The following PRKN variants were observed in gnomAD, a reference collection of about 807,000 sequenced individuals.
The protein encoded by PRKN is parkin RBR E3 ubiquitin protein ligase.
PRKN carries 56 observed loss-of-function variants against 59.5 expected under a neutral mutation model. That is an observed-to-expected ratio of 0.94 (90% CI 0.76 to 1.18). PRKN has a LOEUF of 1.18. PRKN is among the 50% of genes most tolerant of loss of function. The pLI, the probability that PRKN is intolerant of heterozygous loss-of-function variation, is 0.00. For missense variants in PRKN, 657 were observed against 596.4 expected, an observed-to-expected ratio of 1.10 and a Z score of -1.06; for synonymous variants, 250 against 222.1, an observed-to-expected ratio of 1.13 and a Z score of -1.12.
chr6:161,922,742 A>G (rs1778831303), intron 6 of PRKN, among the ~76,000 whole-genome samples: 1 of 152,208 alleles, frequency 6.6e-6, no homozygotes, highest in South Asian at 2.1e-4. Context: ...AATACAGGCA[A>G]TGATTACAGG....
At chr6:162,099,509 C>T (rs1382787312) in intron 4 of PRKN, among the ~76,000 whole-genome samples, 3 of 152,206 alleles carry the variant, frequency 2.0e-5, no homozygotes, top group South Asian at 2.1e-4. Context: ...TCCCTTCTAA[C>T]GGCTTTAATT....
At position 161,390,601 on chromosome 6, in the gene PRKN, G is replaced by A. The variant is rs554966115; in HGVS notation, c.1084-3724C>T. ...CCTCCCGGGTTCAAGCAATTCTCCC[G>A]TCTCAGCCTCCTGAGTAGCTGGGAC... is the stretch of plus-strand genomic sequence containing the variant. On this transcript the variant is annotated intron_variant, in intron 9 of 11. Transcript: ENST00000366898. The surrounding 1 kb of genome is among the most constrained non-coding windows in gnomAD (Gnocchi z 7.0). 1.2e-4 allele frequency among the ~76,000 whole-genome samples: 19 copies of A among 152,186 alleles called. No homozygotes were observed. Among genetic ancestry groups the A allele is most frequent in the South Asian group, 4.2e-4 (2 of 4,814 alleles).
chr6:161,898,135 A>G (rs1422130605), intron 6 of PRKN, among the ~76,000 whole-genome samples: 1 of 152,126 alleles, frequency 6.6e-6, no homozygotes, highest in Non-Finnish European at 1.5e-5. Flanking sequence ...TATAATTGAT[A>G]CTTGTAATTG....
chr6:161,509,487 T>C (rs1242420254), intron 9 of PRKN, among the ~76,000 whole-genome samples: 1 of 152,044 alleles, frequency 6.6e-6, no homozygotes, highest in African/African-American at 2.4e-5. Context: ...GAAGCACCTG[T>C]GCTGTTTAAA....
chr6:162,432,077 T>G (rs1409882118), intron 2 of PRKN, among the ~76,000 whole-genome samples: 3 of 152,136 alleles, frequency 2.0e-5, no homozygotes, highest in African/African-American at 7.2e-5. Context: ...TTTATATCAG[T>G]GAACAGGGCT....
chr6:162,618,026 G>C (rs915107569), intron 1 of PRKN, among the ~76,000 whole-genome samples: 5 of 152,206 alleles, frequency 3.3e-5, no homozygotes, highest in Non-Finnish European at 1.5e-5. Flanking sequence ...CAGCTGATAA[G>C]TGGTAGACTG....
chr6:162,139,373 CGG>C (rs1781683988), intron 4 of PRKN, among the ~76,000 whole-genome samples: 1 of 152,218 alleles, frequency 6.6e-6, no homozygotes, highest in South Asian at 2.1e-4. Context: ...CCTTGAAGAG[CGG>C]ACAACTGTGG....
At chr6:162,035,188 C>T (rs931548892) in intron 5 of PRKN, among the ~76,000 whole-genome samples, 4 of 151,174 alleles carry the variant, frequency 2.6e-5, no homozygotes, top group African/African-American at 4.9e-5. Context: ...TAGAGAGAGG[C>T]TAGGCTCTTT....
chr6:162,406,420 T>G (rs1424871124), intron 2 of PRKN, among the ~76,000 whole-genome samples: 1 of 152,230 alleles, frequency 6.6e-6, no homozygotes, highest in East Asian at 1.9e-4. Flanking sequence ...AACACACCAT[T>G]CAACATCTTC....
At chr6:161,642,667 A>T (rs1397973231) in intron 7 of PRKN, among the ~76,000 whole-genome samples, 2 of 152,196 alleles carry the variant, frequency 1.3e-5, no homozygotes, top group African/African-American at 4.8e-5. Flanking sequence ...AATTTTAAAA[A>T]CTACAACAAC....
chr6:161,981,039 C>T (rs544497647), intron 5 of PRKN, among the ~76,000 whole-genome samples: 8 of 152,242 alleles, frequency 5.3e-5, no homozygotes, highest in South Asian at 2.1e-4. Context: ...CCAAATTTTC[C>T]GATGATATTA....
At chr6:162,032,301 AG>A (rs1309233333) in intron 5 of PRKN, among the ~76,000 whole-genome samples, 2 of 152,194 alleles carry the variant, frequency 1.3e-5, no homozygotes, top group Non-Finnish European at 2.9e-5. Context: ...AAAACCACCA[AG>A]CAAAAACAAG....
Position 161,359,501 on chromosome 6 carries a change from G to C in PRKN, c.1285+587C>G, listed in dbSNP as rs930444724. 1.3e-5 allele frequency among the ~76,000 whole-genome samples: 2 copies of C among 152,200 alleles called. No individual in the cohort carries two copies. The highest frequency in any genetic ancestry group is 2.9e-5 in the Non-Finnish European group (2 of 68,038). ...GTGCCGCTGACTCTGCCTTGCACAC[G>C]TACAAGTGCATCACATTGAGAAAGG... On this transcript the variant is annotated intron_variant, in intron 11 of 11. Transcript: ENST00000366898. The surrounding 1 kb of genome is among the most constrained non-coding windows in gnomAD (Gnocchi z 5.4).
chr6:161,523,909 G>C (rs987706180), intron 9 of PRKN, among the ~76,000 whole-genome samples: 1 of 152,106 alleles, frequency 6.6e-6, no homozygotes, highest in African/African-American at 2.4e-5. Flanking sequence ...CCTGTGACCA[G>C]AGGAGAGCCT....
At chr6:162,502,411 G>T (rs182837613) in intron 1 of PRKN, among the ~76,000 whole-genome samples, 1 of 152,012 alleles carries the variant, frequency 6.6e-6, no homozygotes, top group Non-Finnish European at 1.5e-5. Flanking sequence ...TTTCCCCAAC[G>T]CCTCCCAAAA....
intron 1 of PRKN, among the ~76,000 whole-genome samples, chr6:162,723,775 T>C (rs931048219): frequency 2.0e-5 from 3 of 152,390 alleles, no homozygotes; most frequent in Admixed American, 6.5e-5. Context: ...CTGACAACAG[T>C]TGTCTGTAAA....
chr6:162,472,468 T>TATATATA (rs1385821060), intron 1 of PRKN, among the ~76,000 whole-genome samples: 82 of 104,168 alleles, frequency 7.9e-4, no homozygotes, highest in East Asian at 3.1e-3. Flanking sequence ...TTTTATTTTA[T>TATATATA]TTTATTTTAT....
intron 8 of PRKN, among the ~76,000 whole-genome samples, chr6:161,567,183 C>A (rs1189535296): frequency 6.6e-6 from 1 of 151,960 alleles, no homozygotes; most frequent in African/African-American, 2.4e-5. Flanking sequence ...GGATTACAGG[C>A]GTGCACCACC....
intron 1 of PRKN, among the ~76,000 whole-genome samples, chr6:162,508,782 G>A (rs1355675095): frequency 1.3e-5 from 2 of 152,096 alleles, no homozygotes; most frequent in Admixed American, 1.3e-4. Flanking sequence ...AGCCCGGGAG[G>A]TTGAGGCTGC....
Sources: allele counts gnomAD v4.1 joint callset (sites outside exome capture counted in the v4.1 genomes callset), GRCh38; gene constraint gnomAD v4.1.1; non-coding constraint Gnocchi (gnomAD v3.1); transcripts MANE v1.5; gene names NCBI Gene and HGNC (gene_info 2026-07-23, HGNC 2026-07-21).